SLC25A26: variants seen among roughly 807,000 people sequenced by gnomAD.
SLC25A26 encodes solute carrier family 25 member 26.
A neutral mutation model predicts 37.8 loss-of-function variants in SLC25A26; 36 were observed. The ratio of observed to expected loss-of-function variants is 0.95; its 90% CI spans 0.73 to 1.26. SLC25A26 has a LOEUF of 1.26. Ranked by LOEUF, SLC25A26 falls within the 50% of genes most tolerant of loss-of-function variation. The probability of loss-of-function intolerance (pLI) is 0.00; values close to 1 mark genes in which losing one functional copy is unlikely to be tolerated. For synonymous variants in SLC25A26, 129 were observed against 122.5 expected (o/e 1.05, Z -0.35); for missense variants, 390 against 331.1 (o/e 1.18, Z -1.38).
chr3:66,272,635 A>G (rs915065885), intron 5 of SLC25A26, among the ~76,000 whole-genome samples: 3 of 152,078 alleles, frequency 2.0e-5, no homozygotes, highest in Non-Finnish European at 4.4e-5. Flanking sequence ...CACTCCAGCT[A>G]AAATAGACCT....
intron 1 of SLC25A26, among the ~76,000 whole-genome samples, chr3:66,201,724 A>T (rs2071112354): frequency 6.6e-6 from 1 of 152,206 alleles, no homozygotes; most frequent in South Asian, 2.1e-4. Flanking sequence ...CTGTGCCTGC[A>T]TGTTGCATAT....
intron 5 of SLC25A26, among the ~76,000 whole-genome samples, chr3:66,303,050 C>A (rs559814112): frequency 6.6e-6 from 1 of 152,114 alleles, no homozygotes; most frequent in Non-Finnish European, 1.5e-5. Flanking sequence ...GAGCACCTCC[C>A]GTGAGTAGTG....
intron 5 of SLC25A26, among the ~76,000 whole-genome samples, chr3:66,263,947 C>T (rs548678605): frequency 1.1e-4 from 17 of 152,006 alleles, no homozygotes; most frequent in Admixed American, 2.0e-4. Context: ...CGTGAGTCGC[C>T]GCGCCCGGCC....
At chr3:66,362,569 G>A (rs2076735015) in intron 6 of SLC25A26, among the ~76,000 whole-genome samples, 1 of 152,220 alleles carries the variant, frequency 6.6e-6, no homozygotes, top group South Asian at 2.1e-4. Context: ...TGTGGGTCAT[G>A]AGTCAGTTCA....
At chr3:66,224,370 C>A (rs1316106007) in intron 1 of SLC25A26, among the ~76,000 whole-genome samples, 6 of 152,176 alleles carry the variant, frequency 3.9e-5, no homozygotes, top group Non-Finnish European at 7.4e-5. Flanking sequence ...AAGAGCAAGT[C>A]ATGTCTTACA....
At chr3:66,278,446 A>AT (rs1477074331) in intron 5 of SLC25A26, among the ~76,000 whole-genome samples, 1 of 151,940 alleles carries the variant, frequency 6.6e-6, no homozygotes, top group Non-Finnish European at 1.5e-5. Context: ...TTTATTTTTT[A>AT]TTTTTTAAAA....
At chr3:66,185,682 C>T (rs1307331250) in intron 1 of SLC25A26, among the ~76,000 whole-genome samples, 1 of 152,114 alleles carries the variant, frequency 6.6e-6, no homozygotes, top group African/African-American at 2.4e-5. Flanking sequence ...ACTGTCTTGA[C>T]TTTTACCATG....
At chr3:66,212,148 G>A (rs2071292330) in intron 1 of SLC25A26, among the ~76,000 whole-genome samples, 1 of 152,164 alleles carries the variant, frequency 6.6e-6, no homozygotes, top group Non-Finnish European at 1.5e-5. Context: ...TGGGTGTCCT[G>A]TTGTCCAGGC....
intron 5 of SLC25A26, among the ~76,000 whole-genome samples, chr3:66,307,535 T>C (rs572911213): frequency 3.3e-5 from 5 of 152,258 alleles, no homozygotes; most frequent in Non-Finnish European, 7.3e-5. Context: ...ATTTTGGCTG[T>C]TGTTGCCGTT....
intron 1 of SLC25A26, among the ~76,000 whole-genome samples, chr3:66,226,879 G>T (rs1367059178): frequency 3.8e-3 from 1 of 260 alleles, no homozygotes; most frequent in Admixed American, 0.042. Flanking sequence ...CGCTTTGGTT[G>T]TAATATATAG....
chr3:66,318,459 G>T (rs1017326985), intron 5 of SLC25A26, among the ~76,000 whole-genome samples: 1 of 152,060 alleles, frequency 6.6e-6, no homozygotes, highest in Non-Finnish European at 1.5e-5. Flanking sequence ...TCCCGGGTGG[G>T]CCCTTGCTCC....
intron 4 of SLC25A26, 104 bp from the exon 5 acceptor site, chr3:66,263,228 A>C: frequency 1.3e-6 from 1 of 778,350 alleles, no homozygotes; most frequent in Non-Finnish European, 2.2e-6. Flanking sequence ...GCAATTGTGA[A>C]TGTTCTAGAA....
intron 1 of SLC25A26, among the ~76,000 whole-genome samples, chr3:66,202,325 T>C (rs2071121647): frequency 6.6e-6 from 1 of 151,650 alleles, no homozygotes; most frequent in Non-Finnish European, 1.5e-5. Flanking sequence ...AAGACATGCA[T>C]ATAGGGAGGG....
chr3:66,312,472 C>G (rs188461798), intron 5 of SLC25A26, among the ~76,000 whole-genome samples: 76 of 152,080 alleles, frequency 5.0e-4, no homozygotes, highest in Admixed American at 1.8e-3. Flanking sequence ...GGCTTCAGCC[C>G]CCTTTCCATG....
intron 1 of SLC25A26, among the ~76,000 whole-genome samples, chr3:66,221,562 T>G (rs1435071549): frequency 5.3e-5 from 8 of 152,068 alleles, no homozygotes; most frequent in African/African-American, 1.9e-4. Flanking sequence ...CTCTTTTCAG[T>G]CTTAGAAAAT....
intron 5 of SLC25A26, among the ~76,000 whole-genome samples, chr3:66,283,547 G>T (rs967438766): frequency 6.6e-6 from 1 of 152,158 alleles, no homozygotes; most frequent in Non-Finnish European, 1.5e-5. Context: ...ATCCCAAAGT[G>T]CTGGGGTTAT....
chr3:66,134,157 G>A (rs1407709163), intron 1 of SLC25A26, among the ~76,000 whole-genome samples: 1 of 152,120 alleles, frequency 6.6e-6, no homozygotes, highest in Non-Finnish European at 1.5e-5. Flanking sequence ...AGTTTGACTT[G>A]GTCTTTTTTA....
At chr3:66,374,160 A>G (rs569330813) in intron 9 of SLC25A26, among the ~76,000 whole-genome samples, 64 of 152,348 alleles carry the variant, frequency 4.2e-4, no homozygotes, top group African/African-American at 1.5e-3. Flanking sequence ...TAATACAGGC[A>G]TATTTTGTTT....
At chr3:66,269,986 TGTC>T (rs559923227) in intron 5 of SLC25A26, among the ~76,000 whole-genome samples, 1 of 152,148 alleles carries the variant, frequency 6.6e-6, no homozygotes, top group Non-Finnish European at 1.5e-5. Flanking sequence ...AGTGAATACT[TGTC>T]GTTTTTCACT....
Sources: allele counts gnomAD v4.1 joint callset (sites outside exome capture counted in the v4.1 genomes callset), GRCh38; gene constraint gnomAD v4.1.1; transcripts MANE v1.5; gene names NCBI Gene and HGNC (gene_info 2026-07-23, HGNC 2026-07-21).